The following MIER1 variants were observed in gnomAD, a reference collection of about 807,000 sequenced individuals.
MIER1 encodes the protein MIER1 transcriptional regulator.
Under a neutral mutation model 75.7 loss-of-function variants are expected in MIER1, and 40 were observed. The ratio of observed to expected loss-of-function variants is 0.53; its 90% CI spans 0.41 to 0.69. The LOEUF (loss-of-function observed/expected upper bound fraction) is 0.69, where lower values mean the gene tolerates loss of function less well. Among genes scored for constraint, MIER1 ranks in the 30% least tolerant of loss-of-function variants. The pLI, the probability that MIER1 is intolerant of heterozygous loss-of-function variation, is 0.00. For synonymous variants in MIER1, 213 were observed against 223.4 expected (o/e 0.95, Z 0.42); for missense variants, 574 against 680.2 (o/e 0.84, Z 1.74).
chr1:66,975,244 A>G (rs1174638556), intron 11 of MIER1, among the ~76,000 whole-genome samples: 3 of 152,196 alleles, frequency 2.0e-5, no homozygotes, highest in Non-Finnish European at 2.9e-5. Context: ...AATGGTCAGT[A>G]TTGCCGGTGC....
intron 8 of MIER1, among the ~76,000 whole-genome samples, chr1:66,970,205 C>G (rs568329312): frequency 4.7e-4 from 72 of 152,164 alleles, no homozygotes; most frequent in Admixed American, 2.4e-3. Context: ...AACTTAAATA[C>G]CTTTAAAAAA....
rs1348119451 is a variant in MIER1, at chr1:66,925,056, GGCAGCAGCGAAGGTGGCGGCGGCA to G, written c.34_57del (p.Ser12_Ser19del). Reference sequence around the variant, plus strand: ...GGATGGGGCTTCTTCAGGCGGTGGCGGCAGCAGCGAAGGTGGCGGCGGCAGCAGCGGCAGCGGCTGTAAGTGCAG... The same window carrying G: ...GGATGGGGCTTCTTCAGGCGGTGGCGGCAGCGGCAGCGGCTGTAAGTGCAG... On this transcript the variant is annotated inframe_deletion, in exon 1 of 14. Coordinates refer to ENST00000401041, the MANE Select transcript of MIER1 (RefSeq NM_001077700.3). 1.3e-6 allele frequency: 2 copies of G among 1,549,122 alleles called. No homozygotes were observed. The highest frequency in any genetic ancestry group is 2.0e-5 in the Admixed American group (1 of 50,188).
intron 2 of MIER1, 74 bp downstream of exon 2, chr1:66,926,316 T>A: frequency 8.5e-7 from 1 of 1,175,884 alleles, no homozygotes; most frequent in Non-Finnish European, 1.3e-6. Flanking sequence ...ATTATATTAC[T>A]CTTCTTATAT....
intron 2 of MIER1, among the ~76,000 whole-genome samples, chr1:66,926,931 A>G (rs3736905): frequency 0.58 from 88,214 of 151,908 alleles, 27,769 homozygotes; most frequent in East Asian, 0.84. Context: ...GTATATATAT[A>G]TATGTTACTT....
At chr1:66,925,138 G>A in intron 1 of MIER1, 43 bp downstream of exon 1, 1 of 1,539,656 alleles carries the variant, frequency 6.5e-7, no homozygotes, top group Non-Finnish European at 8.7e-7. Flanking sequence ...TTCTATTCCA[G>A]TTTGGGATGA....
At chr1:66,948,215 T>C (rs1658117025) in intron 4 of MIER1, 1 of 937,196 alleles carries the variant, frequency 1.1e-6, no homozygotes, top group South Asian at 4.9e-5. Flanking sequence ...ATCAGTCTGG[T>C]ATGTTCTAAT....
chr1:66,925,020 T>G lies in MIER1; in HGVS notation c.-9T>G, dbSNP rs1157902734. 1.3e-6 allele frequency: 2 copies of G among 1,546,178 alleles called. No homozygotes were observed. Among genetic ancestry groups the G allele is most frequent in the Admixed American group, 4.1e-5 (2 of 48,344 alleles). ...CCTCCCAGGCTCTGAGTCTCCCGGCTGCAGGCGGATGGATGGGGCTTCTTC... is the reference window on the plus strand; with the variant it reads ...CCTCCCAGGCTCTGAGTCTCCCGGCGGCAGGCGGATGGATGGGGCTTCTTC... On this transcript the variant is annotated 5_prime_UTR_variant, in exon 1 of 14. Coordinates refer to ENST00000401041, the MANE Select transcript of MIER1 (RefSeq NM_001077700.3).
chr1:66,981,213 A>G (rs1665816304), intron 12 of MIER1, among the ~76,000 whole-genome samples: 1 of 152,212 alleles, frequency 6.6e-6, no homozygotes, highest in African/African-American at 2.4e-5. Flanking sequence ...GATTTAGAGA[A>G]GAAATGAGCT....
At chr1:66,945,943 TAAC>T (rs1464153858) in intron 3 of MIER1, among the ~76,000 whole-genome samples, 1 of 152,246 alleles carries the variant, frequency 6.6e-6, no homozygotes, top group Non-Finnish European at 1.5e-5. Context: ...TTCATATTTA[TAAC>T]ATTATAAACA....
intron 8 of MIER1, among the ~76,000 whole-genome samples, chr1:66,968,716 G>C (rs1406231290): frequency 6.6e-6 from 1 of 152,114 alleles, no homozygotes; most frequent in African/African-American, 2.4e-5. Context: ...CTTTGGACTT[G>C]TATCTGTTTT....
At chr1:66,926,072 AG>A in intron 1 of MIER1, 69 bp from the exon 2 acceptor site, 3 of 1,221,634 alleles carry the variant, frequency 2.5e-6, no homozygotes, top group Non-Finnish European at 3.6e-6. Flanking sequence ...AATGCGAAAC[AG>A]GGTGGATGGT....
chr1:66,948,332 A>G, intron 4 of MIER1: 1 of 573,582 alleles, frequency 1.7e-6, no homozygotes, highest in Non-Finnish European at 2.2e-6. Flanking sequence ...ATCATGAAAA[A>G]TGAATGCTTA....
chr1:66,925,433 G>A, intron 1 of MIER1: 1 of 985,348 alleles, frequency 1.0e-6, no homozygotes, highest in Non-Finnish European at 1.2e-6. Flanking sequence ...GTCGGGGTGG[G>A]GCTAAGCTGA....
intron 8 of MIER1, among the ~76,000 whole-genome samples, chr1:66,966,968 CTTTG>C (rs1169238090): frequency 6.6e-6 from 1 of 152,090 alleles, no homozygotes; most frequent in Non-Finnish European, 1.5e-5. Flanking sequence ...TAGGTTGTCT[CTTTG>C]TTGATTGTTT....
At chr1:66,971,425 A>G (rs572937726) in intron 9 of MIER1, among the ~76,000 whole-genome samples, 25 of 152,186 alleles carry the variant, frequency 1.6e-4, no homozygotes, top group South Asian at 1.4e-3. Context: ...TAGGGATACT[A>G]TGGCCACCAA....
intron 4 of MIER1, among the ~76,000 whole-genome samples, chr1:66,950,946 T>C (rs1474585235): frequency 6.6e-6 from 1 of 152,178 alleles, no homozygotes; most frequent in Non-Finnish European, 1.5e-5. Flanking sequence ...TCAGTTTTGG[T>C]ACAACAGGTG....
chr1:66,964,704 A>G (rs1435996179), intron 8 of MIER1, among the ~76,000 whole-genome samples: 4 of 152,022 alleles, frequency 2.6e-5, no homozygotes, highest in African/African-American at 7.2e-5. Flanking sequence ...CGCCTGCCTC[A>G]GCCTCCTAAA....
Position 66,958,166 on chromosome 1 carries a change from A to G in MIER1, c.447A>G (p.Glu149=). ...EEEEEEEEEG[E]DDEDADNDDN... ...AGGAAGAAGAGGAAGAAGAAGGTGA[A>G]GATGATGAAGATGCTGATAATGATG... The change falls in exon 5 of 14, where the codon GAA becomes GAG. Residue 149 remains glutamate, a synonymous_variant. Coordinates refer to ENST00000401041, the MANE Select transcript of MIER1 (RefSeq NM_001077700.3). 1 of 1,600,676 alleles carries G rather than the reference A, an allele frequency of 6.2e-7. No individual in the cohort carries two copies. The highest frequency in any genetic ancestry group is 8.6e-7 in the Non-Finnish European group (1 of 1,167,882).
rs185306522 is a variant in MIER1, at chr1:66,927,730, G to T, written c.168+1488G>T. Among the ~76,000 whole-genome samples the T allele has an allele frequency of 2.2e-4, 34 of 152,116 alleles. No homozygotes were observed. The East Asian group carries it at 5.8e-3, about 26-fold the overall frequency. On this transcript the variant is annotated intron_variant, in intron 2 of 13. Coordinates refer to ENST00000401041, the MANE Select transcript of MIER1 (RefSeq NM_001077700.3). Reference sequence around the variant, plus strand: ...AACATTTGAACTTTTTTTGAAAAGAGCAGCCTTTTTATGAGATATAGTGAG... The same window carrying T: ...AACATTTGAACTTTTTTTGAAAAGATCAGCCTTTTTATGAGATATAGTGAG...
Sources: gnomAD v4.1 joint callset for allele counts (sites outside exome capture counted in the v4.1 genomes callset) on GRCh38, gnomAD v4.1.1 for gene constraint, MANE v1.5 for transcripts, NCBI Gene and HGNC (gene_info 2026-07-23, HGNC 2026-07-21) for gene names.